ZSWIM5: variants seen among roughly 807,000 people sequenced by gnomAD.
ZSWIM5 encodes zinc finger SWIM-type containing 5.
A neutral mutation model predicts 119.6 loss-of-function variants in ZSWIM5; 55 were observed. The observed-to-expected ratio is 0.46, with a 90% confidence interval of 0.37 to 0.58. The LOEUF (loss-of-function observed/expected upper bound fraction) is 0.58, where lower values mean the gene tolerates loss of function less well. Ranked by LOEUF, ZSWIM5 falls within the 20% of genes least tolerant of loss-of-function variation. The probability of loss-of-function intolerance (pLI) is 0.00; values close to 1 mark genes in which losing one functional copy is unlikely to be tolerated. For synonymous variants in ZSWIM5, 537 were observed against 606.9 expected (o/e 0.88, Z 1.69); for missense variants, 1,193 against 1,512.8 (o/e 0.79, Z 3.51).
chr1:45,191,848 TTATTA>T (rs1227348721), intron 1 of ZSWIM5, among the ~76,000 whole-genome samples: 8 of 152,236 alleles, frequency 5.3e-5, no homozygotes, highest in African/African-American at 1.9e-4. Context: ...AATGATAGCT[TTATTA>T]TATAATTCAT....
chr1:45,058,588 C>A (rs773036565), intron 4 of ZSWIM5, 21 bp downstream of exon 4: 2 of 1,613,856 alleles, frequency 1.2e-6, no homozygotes, highest in Non-Finnish European at 1.7e-6. Context: ...CAAAGCACTT[C>A]TCTGAATGAT....
chr1:45,028,986 A>C (rs1557740368), intron 11 of ZSWIM5, among the ~76,000 whole-genome samples: 1 of 152,212 alleles, frequency 6.6e-6, no homozygotes, highest in African/African-American at 2.4e-5. Context: ...AGTTTGAAGA[A>C]TAGAACAGAG....
chr1:45,152,727 T>C (rs1645804576), intron 1 of ZSWIM5, among the ~76,000 whole-genome samples: 2 of 152,066 alleles, frequency 1.3e-5, no homozygotes, highest in African/African-American at 4.8e-5. Flanking sequence ...TCAAAAATAT[T>C]TGCAACAAAA....
intron 1 of ZSWIM5, among the ~76,000 whole-genome samples, chr1:45,137,081 G>C (rs1366816510): frequency 3.3e-5 from 5 of 152,086 alleles, no homozygotes; most frequent in Non-Finnish European, 5.9e-5. Context: ...GATGCCTTCA[G>C]ATTTTTTTAT....
At chr1:45,180,035 T>C (rs1305606107) in intron 1 of ZSWIM5, among the ~76,000 whole-genome samples, 1 of 152,114 alleles carries the variant, frequency 6.6e-6, no homozygotes, top group Non-Finnish European at 1.5e-5. Context: ...TGCATTTCCA[T>C]CTGAGGTACC....
rs150249585 is a variant in ZSWIM5 at position 45,165,694 on chromosome 1, C to T, written c.595+40062G>A. On this transcript the variant is annotated intron_variant, in intron 1 of 13. Transcript: ENST00000359600. ...TCAGAGAACACTATAAACATCTCTG[C>T]ACAAATAAACTAGAAAATCTAGAAA... 5.1e-3 allele frequency among the ~76,000 whole-genome samples: 770 copies of T among 152,158 alleles called. 4 individuals are homozygous for T. The highest frequency in any genetic ancestry group is 0.017 in the African/African-American group (695 of 41,520).
chr1:45,190,927 ATTTTTTTTTTTTTTTTTTTTTT>A (rs746764436), intron 1 of ZSWIM5, among the ~76,000 whole-genome samples: 10 of 48,966 alleles, frequency 2.0e-4, no homozygotes, highest in Admixed American at 2.9e-4. Flanking sequence ...AATAGCTGGA[ATTTTTTTTTTTTTTTTTTTTTT>A]TTTTTTTTTT....
intron 1 of ZSWIM5, among the ~76,000 whole-genome samples, chr1:45,195,546 G>T (rs1214572094): frequency 6.6e-6 from 1 of 151,934 alleles, no homozygotes; most frequent in Non-Finnish European, 1.5e-5. Flanking sequence ...AAAAAAATAG[G>T]TTTTATAAAT....
At chr1:45,132,086 T>C (rs1369976973) in intron 1 of ZSWIM5, among the ~76,000 whole-genome samples, 1 of 149,746 alleles carries the variant, frequency 6.7e-6, no homozygotes, top group Non-Finnish European at 1.5e-5. Context: ...TAATATATAA[T>C]TTTACAAACA....
intron 1 of ZSWIM5, among the ~76,000 whole-genome samples, chr1:45,119,931 C>T (rs1557771886): frequency 6.6e-6 from 1 of 152,228 alleles, no homozygotes; most frequent in African/African-American, 2.4e-5. Flanking sequence ...CTTTTACTCA[C>T]TTCAGTTCTA....
intron 1 of ZSWIM5, among the ~76,000 whole-genome samples, chr1:45,176,950 A>G (rs1645984870): frequency 6.6e-6 from 1 of 152,014 alleles, no homozygotes; most frequent in Admixed American, 6.6e-5. Context: ...TTGGGCTCCA[A>G]TATACCCTTT....
chr1:45,019,014 G>T lies in ZSWIM5; in HGVS notation c.2998C>A (p.Leu1000Met). 1 of 1,614,236 alleles carries T rather than the reference G, an allele frequency of 6.2e-7. No individual in the cohort carries two copies. Among genetic ancestry groups the T allele is most frequent in the Non-Finnish European group, 8.5e-7 (1 of 1,180,030 alleles). ...TCCATGTAGCGGGCGATGGTGAACA[G>T]CTGTGAATGGGTCATACCACCAGCA... ...AAAGGMTHSQ[L>M]FTIARYMELR... The change falls in exon 14 of 14, where the codon CTG becomes ATG. Residue 1000 changes from leucine to methionine, a missense_variant. Physicochemically the swap from Leu to Met is conservative, Grantham distance 15. Coordinates refer to ENST00000359600, the MANE Select transcript of ZSWIM5 (RefSeq NM_020883.2). The surrounding 1 kb of genome is among the most constrained non-coding windows in gnomAD (Gnocchi z 5.0).
chr1:45,078,543 T>C (rs573374350), intron 2 of ZSWIM5, among the ~76,000 whole-genome samples: 1 of 152,314 alleles, frequency 6.6e-6, no homozygotes, highest in South Asian at 2.1e-4. Flanking sequence ...CTTTCTCTGT[T>C]CTGAGCTACC....
Position 45,088,237 on chromosome 1 carries a change from C to A in ZSWIM5, c.596G>T (p.Gly199Val). 1 of 1,565,366 alleles carries A rather than the reference C, an allele frequency of 6.4e-7. No homozygotes were observed. ...AGTTACTGTGCCACTCAGATGAAAGCCTAAGGAAACACAAAAGAAACTGTG... is the reference window on the plus strand; with the variant it reads ...AGTTACTGTGCCACTCAGATGAAAGACTAAGGAAACACAAAAGAAACTGTG... ...SGSVENVLQV[G>V]FHLSGTVTEL... Residue 199 changes from glycine (G) to valine (V), a missense_variant and splice_region_variant, in exon 2 of 14, where the codon GGC (glycine) becomes GTC (valine). Gly to Val is a moderately radical substitution (Grantham distance 109, BLOSUM62 -3). Transcript: ENST00000359600. The surrounding 1 kb of genome is among the most constrained non-coding windows in gnomAD (Gnocchi z 4.2).
At chr1:45,160,924 C>T (rs1476643763) in intron 1 of ZSWIM5, among the ~76,000 whole-genome samples, 1 of 151,144 alleles carries the variant, frequency 6.6e-6, no homozygotes, top group Non-Finnish European at 1.5e-5. Context: ...CGGGTTCACG[C>T]CATTCTCCTG....
rs1645212235 is a variant in ZSWIM5 at position 45,070,084 on chromosome 1, T to G, written c.953-9837A>C. ...CCAATGACTAGAAGAAGAAATCTAT[T>G]GAGTTTTGGGATATTTGGTGCATTC... On this transcript the variant is annotated intron_variant, in intron 2 of 13. Coordinates refer to ENST00000359600, the MANE Select transcript of ZSWIM5 (RefSeq NM_020883.2). 11 of 935,464 alleles carry G rather than the reference T, an allele frequency of 1.2e-5. No individual in the cohort carries two copies. In the East Asian group the frequency reaches 1.9e-4, roughly 16 times the overall value. The allele number at this position is 935,464 out of a possible 1,614,324, so 57.9% of individuals were successfully genotyped here.
intron 1 of ZSWIM5, among the ~76,000 whole-genome samples, chr1:45,185,219 C>G (rs1008714144): frequency 2.7e-5 from 4 of 149,442 alleles, no homozygotes; most frequent in African/African-American, 9.8e-5. Flanking sequence ...GAAACTGGAT[C>G]CCTTCCTTAC....
At chr1:45,186,238 C>A (rs1570198104) in intron 1 of ZSWIM5, among the ~76,000 whole-genome samples, 1 of 113,066 alleles carries the variant, frequency 8.8e-6, no homozygotes, top group Admixed American at 1.2e-4. Flanking sequence ...ACATCACACT[C>A]TGGGGACTGT....
intron 1 of ZSWIM5, among the ~76,000 whole-genome samples, chr1:45,156,008 C>T (rs1002012828): frequency 1.3e-5 from 2 of 151,732 alleles, no homozygotes; most frequent in African/African-American, 2.4e-5. Flanking sequence ...TAATCAAATA[C>T]CATCTGTTCC....
Sources: allele counts gnomAD v4.1 joint callset (sites outside exome capture counted in the v4.1 genomes callset), GRCh38; gene constraint gnomAD v4.1.1; non-coding constraint Gnocchi (gnomAD v3.1); transcripts MANE v1.5; gene names NCBI Gene and HGNC (gene_info 2026-07-23, HGNC 2026-07-21).